CSNK2A1: variants seen among roughly 807,000 people sequenced by gnomAD.
The protein encoded by CSNK2A1 is casein kinase 2 alpha 1.
CSNK2A1 carries 10 observed loss-of-function variants against 62.9 expected under a neutral mutation model. The observed-to-expected ratio is 0.16, with a 90% CI of 0.10 to 0.27. The LOEUF is 0.27. Among genes scored for constraint, CSNK2A1 ranks in the 10% least tolerant of loss-of-function variants. CSNK2A1 has a pLI of 1.00. For synonymous variants in CSNK2A1, 124 were observed against 167.8 expected (o/e 0.74, Z 2.02); for missense variants, 160 against 492.0 (o/e 0.33, Z 6.38).
chr20:523,926 T>A (rs973398660), intron 2 of CSNK2A1, among the ~76,000 whole-genome samples: 1 of 130,206 alleles, frequency 7.7e-6, no homozygotes, highest in Non-Finnish European at 1.6e-5. Context: ...AGATTAGGGG[T>A]GGGAGGCTAG....
chr20:515,623 T>TCACA (rs150313072), intron 2 of CSNK2A1, among the ~76,000 whole-genome samples: 7 of 150,868 alleles, frequency 4.6e-5, no homozygotes, highest in African/African-American at 1.5e-4. Flanking sequence ...TACTGCACAT[T>TCACA]CACACACACA....
At chr20:510,173 CTTT>C (rs1291875716) in intron 2 of CSNK2A1, 8 of 137,154 alleles carry the variant, frequency 5.8e-5, no homozygotes, top group Admixed American at 7.4e-5. Context: ...TATACCTATT[CTTT>C]TTTTTTTTTT....
intron 9 of CSNK2A1, among the ~76,000 whole-genome samples, chr20:491,295 G>A (rs911645888): frequency 1.3e-5 from 2 of 152,240 alleles, no homozygotes; most frequent in African/African-American, 4.8e-5. Flanking sequence ...TGGGGGAGCT[G>A]GGGAGAAGAC....
rs1302036127 is a variant in CSNK2A1, at chr20:476,558, A to AC, written c.*7402dup. The AC allele has an allele frequency of 2.0e-5, 3 of 149,812 alleles. No individual in the cohort carries two copies. The highest frequency in any genetic ancestry group is 3.0e-5 in the Non-Finnish European group (2 of 67,612). The allele number at this position is 149,812 out of a possible 1,614,324, so 9.3% of individuals were successfully genotyped here. On this transcript the variant is annotated 3_prime_UTR_variant, in exon 14 of 14. Coordinates refer to ENST00000217244, the MANE Select transcript of CSNK2A1 (RefSeq NM_177559.3). ...ACAGGCGTGAGCCACCATGCCCGGC[A>AC]CCTAGTGAGTTTTTCTGTTACTTTT...
intron 6 of CSNK2A1, 34 bp from the exon 7 acceptor site, chr20:497,814 T>C (rs766784518): frequency 1.9e-6 from 3 of 1,596,558 alleles, no homozygotes; most frequent in East Asian, 2.2e-5. Context: ...CATGAAATAA[T>C]GCTGACAGAA....
chr20:530,812 T>G (rs966807092), intron 1 of CSNK2A1, among the ~76,000 whole-genome samples: 1 of 152,134 alleles, frequency 6.6e-6, no homozygotes, highest in African/African-American at 2.4e-5. Context: ...GGGCCAGGCA[T>G]AGTGGCTCAC....
intron 13 of CSNK2A1, 44 bp from the exon 14 acceptor site, chr20:484,120 G>C (rs2018016415): frequency 6.9e-7 from 1 of 1,453,634 alleles, no homozygotes; most frequent in Non-Finnish European, 9.2e-7. Context: ...ACCAACCATG[G>C]CAATCTTACC....
rs1441394034 is a variant in CSNK2A1 at position 483,086 on chromosome 20, A to G, written c.*875T>C. 1.3e-5 allele frequency: 2 copies of G among 152,242 alleles called. No individual in the cohort carries two copies. The highest frequency in any genetic ancestry group is 2.9e-5 in the Non-Finnish European group (2 of 68,040). 9.4% of individuals were successfully genotyped at this position (152,242 alleles called of 1,614,324 possible). ...AAGCAGTAAGTTATGCCCAGTAACTAAATGAATTCAAAATGGCCAAGACAA... is the reference window on the plus strand; with the variant it reads ...AAGCAGTAAGTTATGCCCAGTAACTGAATGAATTCAAAATGGCCAAGACAA... On this transcript the variant is annotated 3_prime_UTR_variant, in exon 14 of 14. Transcript: ENST00000217244.
chr20:503,531 A>T, intron 4 of CSNK2A1: 1 of 398,598 alleles, frequency 2.5e-6, no homozygotes, highest in East Asian at 3.6e-5. Flanking sequence ...ACATCAACCC[A>T]TCGTTGAATC....
Position 481,674 on chromosome 20 carries a change from GCA to G in CSNK2A1, c.*2285_*2286del, listed in dbSNP as rs2017958661. The stretch of plus-strand genomic sequence containing the variant: ...TGGGTGTAAGGAGGTCCAGCTGTCT[GCA>G]GCTCTCCGCATCAGCCTAAGCTACA... On this transcript the variant is annotated 3_prime_UTR_variant, in exon 14 of 14. Coordinates refer to ENST00000217244, the MANE Select transcript of CSNK2A1 (RefSeq NM_177559.3). The G allele has an allele frequency of 2.6e-5, 4 of 152,138 alleles. No individual in the cohort carries two copies. The highest frequency in any genetic ancestry group is 4.8e-5 in the African/African-American group (2 of 41,418). The allele number at this position is 152,138 out of a possible 1,614,324, so 9.4% of individuals were successfully genotyped here. A position where few individuals can be genotyped will look rare whatever the true frequency, so the allele number is the denominator to read the frequency against.
At position 523,663 on chromosome 20, in the gene CSNK2A1, G is replaced by T. The variant is rs545860465; in HGVS notation, c.-110+4270C>A. 2.0e-5 allele frequency among the ~76,000 whole-genome samples: 3 copies of T among 152,142 alleles called. No homozygotes were observed. In the East Asian group the frequency reaches 5.8e-4, roughly 29 times the overall value. On this transcript the variant is annotated intron_variant, in intron 2 of 13. Transcript: ENST00000217244. ...TCCCAGCACTTTGGGAGGCCGAAGC[G>T]GATGGATCACAAGGTCAGGAGATCG...
chr20:502,398 G>T (rs2018489316), intron 4 of CSNK2A1: 1 of 149,806 alleles, frequency 6.7e-6, no homozygotes, highest in African/African-American at 2.4e-5. Flanking sequence ...TTTTTTAGTG[G>T]AAAAAAAAAG....
chr20:488,325 T>C (rs139646802), intron 11 of CSNK2A1: 100 of 236,078 alleles, frequency 4.2e-4, no homozygotes, highest in African/African-American at 2.2e-3. Flanking sequence ...TCTTAAAGCA[T>C]GCATTTTCTA....
In CSNK2A1 at chr20:474,835, C is replaced by T. The variant is rs2017816202; in HGVS notation, c.*9126G>A. 1 of 152,192 alleles carries T rather than the reference C, an allele frequency of 6.6e-6. No homozygotes were observed. Among genetic ancestry groups the T allele is most frequent in the African/African-American group, 2.4e-5 (1 of 41,438 alleles). 9.4% of individuals were successfully genotyped at this position (152,192 alleles called of 1,614,324 possible). A position where few individuals can be genotyped will look rare whatever the true frequency, so the allele number is the denominator to read the frequency against. On this transcript the variant is annotated 3_prime_UTR_variant, in exon 14 of 14. Coordinates refer to ENST00000217244, the MANE Select transcript of CSNK2A1 (RefSeq NM_177559.3). ...TACGTAAATTCTAATCACAGCTGAA[C>T]CAGCAGTATGATATTTAGTTTTCCC...
chr20:497,620 A>T, intron 7 of CSNK2A1, 101 bp downstream of exon 7: 1 of 1,000,874 alleles, frequency 1.0e-6, no homozygotes. Flanking sequence ...TTCTTTCAAC[A>T]TACTTTACAA....
chr20:530,814 G>C (rs934900561), intron 1 of CSNK2A1, among the ~76,000 whole-genome samples: 7 of 152,160 alleles, frequency 4.6e-5, no homozygotes, highest in African/African-American at 1.4e-4. Flanking sequence ...GCCAGGCATA[G>C]TGGCTCACAC....
chr20:480,744 G>C lies in CSNK2A1; in HGVS notation c.*3217C>G, dbSNP rs1455901024. The C allele has an allele frequency of 6.6e-6, 1 of 152,220 alleles. No homozygotes were observed. The highest frequency in any genetic ancestry group is 2.4e-5 in the African/African-American group (1 of 41,470). 9.4% of individuals were successfully genotyped at this position (152,220 alleles called of 1,614,324 possible). A position where few individuals can be genotyped will look rare whatever the true frequency, so the allele number is the denominator to read the frequency against. ...CAATTCCAGTCTTGGGAGAGAATTT[G>C]CTGGTGGGACAAAATCAGGTTTTTC... On this transcript the variant is annotated 3_prime_UTR_variant, in exon 14 of 14. Coordinates refer to ENST00000217244, the MANE Select transcript of CSNK2A1 (RefSeq NM_177559.3).
intron 13 of CSNK2A1, among the ~76,000 whole-genome samples, chr20:485,058 C>T (rs1488402517): frequency 9.4e-5 from 7 of 74,494 alleles, no homozygotes; most frequent in Non-Finnish European, 1.4e-4. Context: ...AGAGCAAGAC[C>T]TTGTCTCCAA....
chr20:536,102 C>T (rs1345328935), intron 1 of CSNK2A1, among the ~76,000 whole-genome samples: 1 of 151,878 alleles, frequency 6.6e-6, no homozygotes, highest in East Asian at 1.9e-4. Flanking sequence ...GTAATAGACA[C>T]TGTACACGAG....
Sources: gnomAD v4.1 joint callset for allele counts (sites outside exome capture counted in the v4.1 genomes callset) on GRCh38, gnomAD v4.1.1 for gene constraint, MANE v1.5 for transcripts, NCBI Gene and HGNC (gene_info 2026-07-23, HGNC 2026-07-21) for gene names.